Variants in DAB1 observed in about 807,000 individuals in gnomAD.
DAB1 encodes DAB adaptor protein 1.
A neutral mutation model predicts 64.6 loss-of-function variants in DAB1; 15 were observed. The ratio of observed to expected loss-of-function variants is 0.23; its 90% CI spans 0.16 to 0.36. DAB1 has a LOEUF of 0.36. DAB1 is among the 10% of genes least tolerant of loss of function. DAB1 has a pLI of 1.00. For synonymous variants in DAB1, 235 were observed against 251.9 expected (o/e 0.93, Z 0.64); for missense variants, 596 against 706.7 (o/e 0.84, Z 1.78).
chr1:58,357,193 G>A (rs1174666236), intron 3 of DAB1, among the ~76,000 whole-genome samples: 2 of 152,114 alleles, frequency 1.3e-5, no homozygotes, highest in African/African-American at 4.8e-5. Flanking sequence ...GAATAGAAGT[G>A]AATAGTAAAT....
At chr1:57,619,110 G>T (rs1645824899) in intron 7 of DAB1, among the ~76,000 whole-genome samples, 1 of 152,138 alleles carries the variant, frequency 6.6e-6, no homozygotes, top group Admixed American at 6.6e-5. Flanking sequence ...TGGATTCAAT[G>T]GATTTATTTA....
At chr1:58,340,478 T>C (rs1188991404) in intron 4 of DAB1, among the ~76,000 whole-genome samples, 1 of 152,198 alleles carries the variant, frequency 6.6e-6, no homozygotes, top group Admixed American at 6.5e-5. Context: ...AGAGAATGCA[T>C]ATGATGAGGT....
At chr1:58,106,925 T>TC (rs1651683278) in intron 5 of DAB1, among the ~76,000 whole-genome samples, 10 of 145,368 alleles carry the variant, frequency 6.9e-5, no homozygotes, top group Admixed American at 4.2e-4. Context: ...CCTCCTTTCC[T>TC]TCCTTCCTTC....
chr1:58,287,005 C>A (rs1661700776), intron 4 of DAB1, among the ~76,000 whole-genome samples: 1 of 152,184 alleles, frequency 6.6e-6, no homozygotes, highest in Non-Finnish European at 1.5e-5. Context: ...GGAATGAGAT[C>A]ATGTCCTTTG....
chr1:57,060,742 G>T lies in DAB1; in HGVS notation c.723+2142C>A, dbSNP rs541781905. Among the ~76,000 whole-genome samples, 5 of 152,164 alleles carry T rather than the reference G, an allele frequency of 3.3e-5. No individual in the cohort carries two copies. The East Asian group carries it at 7.7e-4, about 24-fold the overall frequency. On this transcript the variant is annotated intron_variant, in intron 9 of 14. Coordinates refer to ENST00000371236, the MANE Select transcript of DAB1 (RefSeq NM_001365792.1). ...GGGGTAAAACAAACAAACACAAAAA[G>T]ATTTCAGTAGGGCTGGACCAGAAGG...
At chr1:58,003,581 G>A (rs1348812060) in intron 5 of DAB1, among the ~76,000 whole-genome samples, 2 of 152,198 alleles carry the variant, frequency 1.3e-5, no homozygotes, top group Admixed American at 1.3e-4. Context: ...GGTCAGGACT[G>A]TTCTGCTCTT....
chr1:58,359,774 G>A (rs560474142), intron 3 of DAB1, among the ~76,000 whole-genome samples: 2 of 152,034 alleles, frequency 1.3e-5, no homozygotes, highest in African/African-American at 4.8e-5. Context: ...CTGGCTCAAC[G>A]TTGCCACTGG....
chr1:58,005,608 TAAA>T (rs5774389), intron 5 of DAB1, among the ~76,000 whole-genome samples: 43 of 132,940 alleles, frequency 3.2e-4, no homozygotes, highest in East Asian at 6.5e-4. Context: ...CTGCCTTGGT[TAAA>T]AAAAAAAAAA....
rs559937443 is a variant in DAB1, at chr1:57,256,716, T to C, written c.67+34248A>G. On this transcript the variant is annotated intron_variant, in intron 2 of 14. Transcript: ENST00000371236. The stretch of plus-strand genomic sequence containing the variant: ...CTTGAATAATATTGCCAGTTCTGTA[T>C]TCTCAATTTTCTTCTTCATCAAGAT... 1.1e-4 allele frequency among the ~76,000 whole-genome samples: 16 copies of C among 152,362 alleles called. 1 individual carries two copies. The highest frequency in any genetic ancestry group is 3.8e-4 in the African/African-American group (16 of 41,586).
chr1:57,890,521 T>G (rs1389887622), intron 5 of DAB1, among the ~76,000 whole-genome samples: 1 of 149,354 alleles, frequency 6.7e-6, no homozygotes, highest in Non-Finnish European at 1.5e-5. Context: ...AGTGGCACAA[T>G]CTTGGCTCAC....
At chr1:57,537,344 C>T (rs1644742324) in intron 7 of DAB1, among the ~76,000 whole-genome samples, 2 of 152,204 alleles carry the variant, frequency 1.3e-5, no homozygotes, top group African/African-American at 4.8e-5. Context: ...TCTTATGAGG[C>T]TTCAGAGTCT....
chr1:57,101,113 T>A (rs1421091731), intron 4 of DAB1, among the ~76,000 whole-genome samples: 1 of 152,096 alleles, frequency 6.6e-6, no homozygotes, highest in Non-Finnish European at 1.5e-5. Flanking sequence ...AGGCACTCTA[T>A]CCTTCTTACC....
intron 2 of DAB1, among the ~76,000 whole-genome samples, chr1:58,511,046 C>A (rs551182211): frequency 2.0e-5 from 3 of 152,224 alleles, no homozygotes; most frequent in South Asian, 2.1e-4. Context: ...AATATCCATA[C>A]CACCCAAGGT....
rs1557442534 is a variant in DAB1 at position 58,499,495 on chromosome 1, T to TAGATAGATAGAC, written n.257+6564_257+6565insGTCTATCTATCT. Among the ~76,000 whole-genome samples, 4 of 149,814 alleles carry TAGATAGATAGAC rather than the reference T, an allele frequency of 2.7e-5. No individual in the cohort carries two copies. The South Asian group carries it at 8.5e-4, about 32-fold the overall frequency. On this transcript the variant is annotated intron_variant and non_coding_transcript_variant, in intron 3 of 20. Transcript: ENST00000485760. ...GCCAGACTATAGATAGATAGATAGA[T>TAGATAGATAGAC]AGATAGATAGATAAATAGATAGATA...
intron 1 of DAB1, among the ~76,000 whole-genome samples, chr1:57,841,011 T>C (rs1653024366): frequency 6.6e-6 from 1 of 152,200 alleles, no homozygotes; most frequent in Admixed American, 6.5e-5. Flanking sequence ...AAGTTCCTTC[T>C]GCCTATGAGC....
intron 6 of DAB1, among the ~76,000 whole-genome samples, chr1:57,787,656 A>G (rs992171597): frequency 6.6e-6 from 1 of 152,126 alleles, no homozygotes; most frequent in African/African-American, 2.4e-5. Flanking sequence ...AAATAAAAAA[A>G]TTGATACACT....
intron 6 of DAB1, among the ~76,000 whole-genome samples, chr1:57,663,525 G>A (rs1646411833): frequency 6.6e-6 from 1 of 152,124 alleles, no homozygotes; most frequent in Non-Finnish European, 1.5e-5. Flanking sequence ...ATGACTTGAT[G>A]TTTCTTGTGT....
intron 5 of DAB1, among the ~76,000 whole-genome samples, chr1:57,982,488 A>G (rs1250054581): frequency 1.3e-5 from 2 of 152,154 alleles, no homozygotes; most frequent in African/African-American, 2.4e-5. Flanking sequence ...GTTTCCTCAT[A>G]AACTGCAATG....
intron 1 of DAB1, among the ~76,000 whole-genome samples, chr1:57,306,611 C>T (rs1674207245): frequency 1.3e-5 from 2 of 150,428 alleles, no homozygotes; most frequent in Admixed American, 1.3e-4. Context: ...TCTGTTCAGG[C>T]AAGCACTTGG....
Sources: allele counts gnomAD v4.1 joint callset (sites outside exome capture counted in the v4.1 genomes callset), GRCh38; gene constraint gnomAD v4.1.1; transcripts MANE v1.5; gene names NCBI Gene and HGNC (gene_info 2026-07-23, HGNC 2026-07-21).